Variants in CLMN observed in about 807,000 individuals in gnomAD.
CLMN encodes the protein calmin (calponin-like, transmembrane).
CLMN carries 57 observed loss-of-function variants against 92.7 expected under a neutral mutation model. The observed-to-expected ratio is 0.61, with a 90% CI of 0.50 to 0.77. The LOEUF (loss-of-function observed/expected upper bound fraction) is 0.77, where lower values mean the gene tolerates loss of function less well. Among genes scored for constraint, CLMN ranks in the 30% least tolerant of loss-of-function variants. The pLI is 0.00. For synonymous variants in CLMN, 466 were observed against 470.6 expected, an observed-to-expected ratio of 0.99 and a Z score of 0.13; for missense variants, 1,158 against 1,237.5, an observed-to-expected ratio of 0.94 and a Z score of 0.96.
At chr14:95,275,566 T>A (rs554749054) in intron 1 of CLMN, among the ~76,000 whole-genome samples, 1 of 152,266 alleles carries the variant, frequency 6.6e-6, no homozygotes, top group East Asian at 1.9e-4. Context: ...TCATAAATAA[T>A]CCACGCCTTC....
intron 12 of CLMN, chr14:95,193,431 A>G (rs10130428): frequency 0.14 from 210,309 of 1,486,698 alleles, 16,426 homozygotes; most frequent in Non-Finnish European, 0.16. Context: ...GTGGCAACAG[A>G]GAATGGACAG....
intron 1 of CLMN, among the ~76,000 whole-genome samples, chr14:95,243,284 G>T (rs1006278061): frequency 6.7e-6 from 1 of 149,584 alleles, no homozygotes; most frequent in Non-Finnish European, 1.5e-5. Flanking sequence ...TCTCTTTACT[G>T]TTATGAGAAA....
At chr14:95,315,349 C>A (rs1024085633) in intron 1 of CLMN, among the ~76,000 whole-genome samples, 1 of 152,140 alleles carries the variant, frequency 6.6e-6, no homozygotes, top group Admixed American at 6.6e-5. Flanking sequence ...TGCCCAGGCC[C>A]CCACTCTGCT....
Position 95,310,347 on chromosome 14 carries a change from T to C in CLMN, c.82+9364A>G, listed in dbSNP as rs148082606. On this transcript the variant is annotated intron_variant, in intron 1 of 12. Transcript: ENST00000298912. The stretch of plus-strand genomic sequence containing the variant: ...GCAGCAGCACTGCTCTCAACTCTGC[T>C]TCCATGATCACATCTCCTGTCTCCC... Among the ~76,000 whole-genome samples the C allele has an allele frequency of 6.6e-3, 1,002 of 152,356 alleles. 6 individuals carry two copies. Among genetic ancestry groups the C allele is most frequent in the South Asian group, 0.022 (107 of 4,828 alleles).
intron 1 of CLMN, chr14:95,296,284 C>G (rs1021973540): frequency 4.9e-4 from 75 of 152,246 alleles, no homozygotes; most frequent in African/African-American, 1.7e-3. Flanking sequence ...CCTGTGATAA[C>G]TAACCCACTC....
chr14:95,275,502 C>T (rs2140729540), intron 1 of CLMN, among the ~76,000 whole-genome samples: 1 of 152,266 alleles, frequency 6.6e-6, no homozygotes, highest in Admixed American at 6.5e-5. Flanking sequence ...CCCATATGGT[C>T]TAAAAAGGGG....
At chr14:95,311,708 C>T (rs975429741) in intron 1 of CLMN, among the ~76,000 whole-genome samples, 1 of 152,178 alleles carries the variant, frequency 6.6e-6, no homozygotes, top group Non-Finnish European at 1.5e-5. Flanking sequence ...CCCTGGCTTC[C>T]GTCCTGCTGA....
At chr14:95,238,051 G>A (rs554417156) in intron 1 of CLMN, among the ~76,000 whole-genome samples, 6 of 152,186 alleles carry the variant, frequency 3.9e-5, no homozygotes, top group Admixed American at 3.3e-4. Context: ...CCCACCCTCC[G>A]ACCACACAAT....
Position 95,210,896 on chromosome 14 carries a change from A to G in CLMN, c.609-17T>C. 6.7e-7 allele frequency: 1 copy of G among 1,494,668 alleles called. No homozygotes were observed. The allele number at this position is 1,494,668 out of a possible 1,614,324, so 92.6% of individuals were successfully genotyped here. On this transcript the variant is annotated splice_polypyrimidine_tract_variant and intron_variant, in intron 6 of 12. Transcript: ENST00000298912. ...ACGCCATACCTGAAGGAAAAACAGC[A>G]GCGGCGGCCAGGATGCTGGTTAGTA...
rs1054087721 is a variant in CLMN, at chr14:95,264,620, C to T, written c.83-34487G>A. Among the ~76,000 whole-genome samples the T allele has an allele frequency of 2.0e-5, 3 of 152,174 alleles. No individual in the cohort carries two copies. In the East Asian group the frequency reaches 5.8e-4, roughly 29 times the overall value. The stretch of plus-strand genomic sequence containing the variant: ...GGCCTCCCAGGGTCCATGCCCTTCA[C>T]AGGAAAGCCCCCACTTCTATGAGCA... On this transcript the variant is annotated intron_variant, in intron 1 of 12. Coordinates refer to ENST00000298912, the MANE Select transcript of CLMN (RefSeq NM_024734.4).
chr14:95,209,658 T>C (rs372319929), intron 7 of CLMN, among the ~76,000 whole-genome samples, 181 bp from the exon 8 acceptor site: 2 of 152,364 alleles, frequency 1.3e-5, no homozygotes, highest in South Asian at 2.1e-4. Flanking sequence ...CACAGCTGGC[T>C]GATGAACAGA....
chr14:95,201,062 G>C (rs1471599715), intron 9 of CLMN, among the ~76,000 whole-genome samples: 1 of 151,806 alleles, frequency 6.6e-6, no homozygotes, highest in African/African-American at 2.4e-5. Context: ...TAATGTAGAT[G>C]ATGGGTTGAT....
intron 1 of CLMN, among the ~76,000 whole-genome samples, chr14:95,258,832 GGT>G (rs1899128861): frequency 6.7e-6 from 1 of 149,436 alleles, no homozygotes; most frequent in Non-Finnish European, 1.5e-5. Context: ...GTTTGTGTGT[GGT>G]ATGTGTATGT....
chr14:95,255,665 C>T (rs1898969688), intron 1 of CLMN, among the ~76,000 whole-genome samples: 1 of 152,158 alleles, frequency 6.6e-6, no homozygotes. Flanking sequence ...GGGTCACCTT[C>T]CTTCCACCCT....
intron 9 of CLMN, 141 bp downstream of exon 9, chr14:95,202,697 C>T: frequency 1.1e-6 from 1 of 882,200 alleles, no homozygotes; most frequent in Non-Finnish European, 1.7e-6. Flanking sequence ...ACAGTAGGTG[C>T]CTCTTTGAAT....
intron 1 of CLMN, among the ~76,000 whole-genome samples, chr14:95,245,257 ATATATATATATAT>A (rs1566891387): frequency 2.7e-5 from 1 of 37,570 alleles, no homozygotes; most frequent in African/African-American, 1.6e-4. Context: ...TATATATAAT[ATATATATATATAT>A]TATATATATA....
intron 8 of CLMN, among the ~76,000 whole-genome samples, chr14:95,207,788 AAC>A (rs1026645110): frequency 2.0e-5 from 3 of 152,196 alleles, no homozygotes; most frequent in Non-Finnish European, 4.4e-5. Context: ...ACAGGCAGGA[AAC>A]ACACACACAG....
At position 95,187,034 on chromosome 14, in the gene CLMN, A is replaced by T. The variant is rs1416707211; in HGVS notation, c.*4530T>A. On this transcript the variant is annotated 3_prime_UTR_variant, in exon 13 of 13. Transcript: ENST00000298912. ...ATAACTAATCATGGCATTCAAGCAG[A>T]GCTTAGCCATGCTATGTATCCCTCT... The T allele has an allele frequency of 6.6e-6, 1 of 152,238 alleles. No individual in the cohort carries two copies. Among genetic ancestry groups the T allele is most frequent in the African/African-American group, 2.4e-5 (1 of 41,442 alleles). The allele number at this position is 152,238 out of a possible 1,614,324, so 9.4% of individuals were successfully genotyped here. A position where few individuals can be genotyped will look rare whatever the true frequency, so the allele number is the denominator to read the frequency against.
intron 2 of CLMN, among the ~76,000 whole-genome samples, chr14:95,228,230 T>C (rs1159723270): frequency 6.6e-6 from 1 of 152,210 alleles, no homozygotes; most frequent in Non-Finnish European, 1.5e-5. Context: ...AATTTCCAGC[T>C]ACCCTGACAC....
Sources: gnomAD v4.1 joint callset for allele counts (sites outside exome capture counted in the v4.1 genomes callset) on GRCh38, gnomAD v4.1.1 for gene constraint, MANE v1.5 for transcripts, NCBI Gene and HGNC (gene_info 2026-07-23, HGNC 2026-07-21) for gene names.